Variants in PRIMA1 observed in about 807,000 individuals in gnomAD.
The protein encoded by PRIMA1 is proline rich membrane anchor 1.
Under a neutral mutation model 17.5 loss-of-function variants are expected in PRIMA1, and 7 were observed. The ratio of observed to expected loss-of-function variants is 0.40; its 90% CI spans 0.23 to 0.75. PRIMA1 has a LOEUF of 0.75. PRIMA1 is among the 30% of genes least tolerant of loss of function. The probability of loss-of-function intolerance (pLI) is 0.37; values close to 1 mark genes in which losing one functional copy is unlikely to be tolerated. For missense variants in PRIMA1, 200 were observed against 201.8 expected (o/e 0.99, Z 0.05); for synonymous variants, 97 against 77.9 (o/e 1.25, Z -1.29).
At position 93,767,620 on chromosome 14, in the gene PRIMA1, C is replaced by T. The variant is rs1043113881; in HGVS notation, c.229+11556G>A. 4.4e-4 allele frequency among the ~76,000 whole-genome samples: 67 copies of T among 152,292 alleles called. 1 individual carries two copies. Among genetic ancestry groups the T allele is most frequent in the African/African-American group, 1.3e-3 (56 of 41,568 alleles). ...CCTGAGACCAGAGTTCCAGGGGTGC[C>T]GGAGCTAGCCCTTGAGCCCAAAGGT... On this transcript the variant is annotated intron_variant, in intron 3 of 4. Coordinates refer to ENST00000393140, the MANE Select transcript of PRIMA1 (RefSeq NM_178013.4).
At chr14:93,734,470 A>G (rs1048017132) in intron 4 of PRIMA1, among the ~76,000 whole-genome samples, 1 of 152,110 alleles carries the variant, frequency 6.6e-6, no homozygotes. Flanking sequence ...CCTAAGTGCG[A>G]GTCTCTCACG....
chr14:93,754,452 C>G (rs887047271), intron 3 of PRIMA1, among the ~76,000 whole-genome samples: 4 of 152,164 alleles, frequency 2.6e-5, no homozygotes, highest in Admixed American at 1.3e-4. Context: ...GGGCCTTGAC[C>G]TCTGTCCTCT....
chr14:93,753,833 G>A (rs918422280), intron 3 of PRIMA1, among the ~76,000 whole-genome samples: 1 of 152,162 alleles, frequency 6.6e-6, no homozygotes, highest in Admixed American at 6.5e-5. Flanking sequence ...TAAAGTGCAC[G>A]CTGCCAAACC....
At position 93,726,764 on chromosome 14, in the gene PRIMA1, C is replaced by G. The variant is rs1283629065; in HGVS notation, c.360-5218G>C. Among the ~76,000 whole-genome samples, 1 of 152,066 alleles carries G rather than the reference C, an allele frequency of 6.6e-6. No homozygotes were observed. The highest frequency in any genetic ancestry group is 1.5e-5 in the Non-Finnish European group (1 of 68,020). ...ACACAGGCACATACGCATAAATGTA[C>G]AAATCCACACACACAAACAATATAC... On this transcript the variant is annotated intron_variant, in intron 4 of 4. Coordinates refer to ENST00000393140, the MANE Select transcript of PRIMA1 (RefSeq NM_178013.4). The surrounding 1 kb of genome is among the most constrained non-coding windows in gnomAD (Gnocchi z 4.2).
At chr14:93,740,138 C>CA (rs1366527174) in intron 3 of PRIMA1, among the ~76,000 whole-genome samples, 11 of 151,910 alleles carry the variant, frequency 7.2e-5, no homozygotes, top group Non-Finnish European at 1.6e-4. Context: ...AGGAGGATGC[C>CA]ACTGGGCCTC....
chr14:93,747,933 ATG>A (rs2076233470), intron 3 of PRIMA1, among the ~76,000 whole-genome samples: 1 of 61,680 alleles, frequency 1.6e-5, no homozygotes, highest in Non-Finnish European at 4.8e-5. Context: ...GAGTGTGATT[ATG>A]TGAGTGTGTG....
intron 3 of PRIMA1, among the ~76,000 whole-genome samples, chr14:93,750,687 TAG>T (rs1344416284): frequency 6.6e-6 from 1 of 152,172 alleles, no homozygotes; most frequent in Non-Finnish European, 1.5e-5. Flanking sequence ...ACCCCTAATT[TAG>T]AGGAGTCTTA....
rs759122467 is a variant in PRIMA1 at position 93,779,132 on chromosome 14, A to G, written c.229+44T>C. The G allele has an allele frequency of 5.0e-6, 7 of 1,407,634 alleles. No individual in the cohort carries two copies. In the South Asian group the frequency reaches 1.2e-4, roughly 24 times the overall value. The allele number at this position is 1,407,634 out of a possible 1,614,324, so 87.2% of individuals were successfully genotyped here. A position where few individuals can be genotyped will look rare whatever the true frequency, so the allele number is the denominator to read the frequency against. ...CTCAGTGGATCTTCGTGGGCCTAGG[A>G]AAACACAAAGAGAAACCCGAAAATG... On this transcript the variant is annotated intron_variant, in intron 3 of 4. Coordinates refer to ENST00000393140, the MANE Select transcript of PRIMA1 (RefSeq NM_178013.4).
At position 93,721,484 on chromosome 14, in the gene PRIMA1, T is replaced by A; in HGVS notation, c.422A>T (p.Gln141Leu). 6.2e-7 allele frequency: 1 copy of A among 1,613,948 alleles called. No homozygotes were observed. The highest frequency in any genetic ancestry group is 8.5e-7 in the Non-Finnish European group (1 of 1,179,892). The change falls in exon 5 of 5, where the codon CAG becomes CTG. Residue 141 changes from glutamine (Q) to leucine (L), a missense_variant. Physicochemically the swap from Gln to Leu is moderately radical, Grantham distance 113 (BLOSUM62 -2). Coordinates refer to ENST00000393140, the MANE Select transcript of PRIMA1 (RefSeq NM_178013.4). ...GTTCACGTCTACTCCTTTGTTGCTC[T>A]GCGAAGCACTCATGGGATACTCAGC... ...SVAEYPMSAS[Q>L]SNKGVDVNNA...
At chr14:93,745,043 C>T (rs569070205) in intron 3 of PRIMA1, among the ~76,000 whole-genome samples, 2 of 152,256 alleles carry the variant, frequency 1.3e-5, no homozygotes, top group African/African-American at 2.4e-5. Context: ...GGAGTGTCCC[C>T]GGGAAGTGAT....
intron 4 of PRIMA1, among the ~76,000 whole-genome samples, chr14:93,730,956 T>C (rs1178905105): frequency 6.6e-6 from 1 of 151,950 alleles, no homozygotes; most frequent in African/African-American, 2.4e-5. Context: ...GAGAGGATGA[T>C]TGTAGGGTGA....
At chr14:93,734,065 T>C (rs1206176977) in intron 4 of PRIMA1, among the ~76,000 whole-genome samples, 1 of 152,194 alleles carries the variant, frequency 6.6e-6, no homozygotes, top group Non-Finnish European at 1.5e-5. Flanking sequence ...CAGTCCCCTC[T>C]TGTCATTAAA....
chr14:93,781,852 GTA>G (rs1885384526), intron 2 of PRIMA1, among the ~76,000 whole-genome samples: 2 of 151,966 alleles, frequency 1.3e-5, no homozygotes, highest in African/African-American at 4.8e-5. Flanking sequence ...GTGCACGCCT[GTA>G]GTCCCATCTA....
In PRIMA1 at chr14:93,764,426, T is replaced by C. The variant is rs1884827291; in HGVS notation, c.229+14750A>G. Among the ~76,000 whole-genome samples, 3 of 151,874 alleles carry C rather than the reference T, an allele frequency of 2.0e-5. No homozygotes were observed. The South Asian group carries it at 6.3e-4, about 32-fold the overall frequency. ...TTTAGCCTGCAATTCCTGCATGTTC[T>C]GCCCCCCCGCCCCCAAAGCTGTCCA... On this transcript the variant is annotated intron_variant, in intron 3 of 4. Coordinates refer to ENST00000393140, the MANE Select transcript of PRIMA1 (RefSeq NM_178013.4).
intron 3 of PRIMA1, among the ~76,000 whole-genome samples, chr14:93,740,820 G>A (rs967876413): frequency 2.0e-5 from 3 of 152,210 alleles, no homozygotes; most frequent in African/African-American, 7.2e-5. Context: ...ATTGTCCCTT[G>A]AAAAATACTA....
At chr14:93,747,844 AGTGT>A (rs774438773) in intron 3 of PRIMA1, among the ~76,000 whole-genome samples, 1 of 142,910 alleles carries the variant, frequency 7.0e-6, no homozygotes. Context: ...AGAGTGTATG[AGTGT>A]GTGTATGAGT....
chr14:93,748,728 C>T (rs866378850), intron 3 of PRIMA1, among the ~76,000 whole-genome samples: 59 of 152,228 alleles, frequency 3.9e-4, no homozygotes, highest in South Asian at 6.2e-4. Flanking sequence ...GCTCTGTGCG[C>T]GGAGCCCAGT....
intron 4 of PRIMA1, among the ~76,000 whole-genome samples, chr14:93,723,241 G>A (rs994490320): frequency 2.6e-5 from 4 of 152,152 alleles, no homozygotes; most frequent in African/African-American, 9.7e-5. Flanking sequence ...TGCCAGGGTT[G>A]AGCCCGGATC....
At chr14:93,747,954 T>G in intron 3 of PRIMA1, among the ~76,000 whole-genome samples, 1 of 144,716 alleles carries the variant, frequency 6.9e-6, no homozygotes, top group African/African-American at 2.7e-5. Flanking sequence ...TGTGTATGAG[T>G]GTGTGTGTAT....
Sources: gnomAD v4.1 joint callset for allele counts (sites outside exome capture counted in the v4.1 genomes callset) on GRCh38, gnomAD v4.1.1 for gene constraint, Gnocchi (gnomAD v3.1) non-coding constraint, MANE v1.5 for transcripts, NCBI Gene and HGNC (gene_info 2026-07-23, HGNC 2026-07-21) for gene names.